The following PLEKHA6 variants were observed in gnomAD, a reference collection of about 807,000 sequenced individuals.
The protein encoded by PLEKHA6 is pleckstrin homology domain-containing family A member 6.
A neutral mutation model predicts 116.7 loss-of-function variants in PLEKHA6; 60 were observed. The observed-to-expected ratio is 0.51, with a 90% confidence interval of 0.42 to 0.64. The LOEUF is 0.64. PLEKHA6 is among the 30% of genes least tolerant of loss of function. PLEKHA6 has a pLI of 0.00. For synonymous variants in PLEKHA6, 489 were observed against 556.1 expected (o/e 0.88, Z 1.70); for missense variants, 1,338 against 1,422.7 (o/e 0.94, Z 0.96).
intron 3 of PLEKHA6, among the ~76,000 whole-genome samples, chr1:204,270,903 T>C (rs1667381209): frequency 6.6e-6 from 1 of 152,170 alleles, no homozygotes; most frequent in Non-Finnish European, 1.5e-5. Flanking sequence ...CTCCCTGGCA[T>C]TGGGGGAGGA....
At chr1:204,264,881 T>C (rs1666583024) in intron 6 of PLEKHA6, 61 bp downstream of exon 6, 2 of 1,174,744 alleles carry the variant, frequency 1.7e-6, no homozygotes, top group African/African-American at 1.5e-5. Flanking sequence ...TCCATTCCCA[T>C]AGGCTCTAGA....
Position 204,340,349 on chromosome 1 carries a change from C to T in PLEKHA6, c.-95+19345G>A, listed in dbSNP as rs1055206162. On this transcript the variant is annotated intron_variant, in intron 1 of 22. Transcript: ENST00000272203. ...TTGTCTCTCTCGTGCCTGCAATTAA[C>T]GGCTGTCTGAGAGGCGGCTGCTGGG... 3.9e-5 allele frequency among the ~76,000 whole-genome samples: 6 copies of T among 152,314 alleles called. No homozygotes were observed. The East Asian group carries it at 9.6e-4, about 24-fold the overall frequency.
At chr1:204,255,992 G>A (rs746540886) in intron 9 of PLEKHA6, among the ~76,000 whole-genome samples, 4 of 152,196 alleles carry the variant, frequency 2.6e-5, no homozygotes, top group Non-Finnish European at 5.9e-5. Flanking sequence ...CTTGTTAGCA[G>A]CTGTTTCTGA....
At chr1:204,224,260 T>C (rs1392211421) in intron 21 of PLEKHA6, among the ~76,000 whole-genome samples, 1 of 152,116 alleles carries the variant, frequency 6.6e-6, no homozygotes, top group Non-Finnish European at 1.5e-5. Flanking sequence ...ATTATCATTA[T>C]TATTCCATGT....
chr1:204,284,629 T>C (rs1668969572), intron 1 of PLEKHA6, among the ~76,000 whole-genome samples: 1 of 150,592 alleles, frequency 6.6e-6, no homozygotes, highest in African/African-American at 2.4e-5. Context: ...CTTTGTGAGC[T>C]CCCCTGACGC....
chr1:204,264,354 G>A (rs1666518850), intron 6 of PLEKHA6, among the ~76,000 whole-genome samples: 1 of 152,160 alleles, frequency 6.6e-6, no homozygotes, highest in Admixed American at 6.5e-5. Flanking sequence ...TATTGAGCAG[G>A]CAGGAAAGGC....
intron 1 of PLEKHA6, among the ~76,000 whole-genome samples, chr1:204,347,706 A>G (rs548830856): frequency 6.6e-6 from 1 of 152,148 alleles, no homozygotes; most frequent in African/African-American, 2.4e-5. Flanking sequence ...TGAAATCTTC[A>G]CAAACCACGT....
chr1:204,279,583 T>A (rs141906731), intron 1 of PLEKHA6, among the ~76,000 whole-genome samples: 1 of 152,180 alleles, frequency 6.6e-6, no homozygotes, highest in Non-Finnish European at 1.5e-5. Flanking sequence ...AATGGACCTT[T>A]CAAATTCCAC....
chr1:204,235,624 G>A (rs533496569), intron 17 of PLEKHA6, among the ~76,000 whole-genome samples: 3 of 152,178 alleles, frequency 2.0e-5, no homozygotes, highest in Non-Finnish European at 4.4e-5. Flanking sequence ...TATTGTTAAA[G>A]TGAGGGCATT....
rs563431210 is a variant in PLEKHA6 at position 204,331,019 on chromosome 1, A to T, written c.-95+28675T>A. Among the ~76,000 whole-genome samples, 107 of 152,020 alleles carry T rather than the reference A, an allele frequency of 7.0e-4. 1 individual carries two copies. Among genetic ancestry groups the T allele is most frequent in the South Asian group, 1.5e-3 (7 of 4,814 alleles). On this transcript the variant is annotated intron_variant, in intron 1 of 22. Coordinates refer to ENST00000272203, the MANE Select transcript of PLEKHA6 (RefSeq NM_014935.5). Reference sequence around the variant, plus strand: ...AGACCAGCCTGGCCAACATGACGAAACCCCATCTCCACTAAAAATACAAAA... The same window carrying T: ...AGACCAGCCTGGCCAACATGACGAATCCCCATCTCCACTAAAAATACAAAA...
At chr1:204,244,022 T>C (rs1429011335) in intron 15 of PLEKHA6, among the ~76,000 whole-genome samples, 2 of 151,424 alleles carry the variant, frequency 1.3e-5, no homozygotes, top group East Asian at 2.0e-4. Flanking sequence ...AGGGTTTCAC[T>C]GTGTTAGCCA....
chr1:204,335,077 C>A (rs923657345), intron 1 of PLEKHA6, among the ~76,000 whole-genome samples: 2 of 152,038 alleles, frequency 1.3e-5, no homozygotes, highest in African/African-American at 4.8e-5. Flanking sequence ...CATCCACACC[C>A]CATCTCCTAG....
chr1:204,268,300 C>A lies in PLEKHA6; in HGVS notation c.115G>T (p.Ala39Ser), dbSNP rs772136425. The change falls in exon 4 of 23, where the codon GCC (alanine) becomes TCC (serine). Residue 39 changes from alanine (A) to serine (S), a missense_variant. Physicochemically the swap from Ala to Ser is moderately conservative, Grantham distance 99. Coordinates refer to ENST00000272203, the MANE Select transcript of PLEKHA6 (RefSeq NM_014935.5). ...TTGCCAAAGGCGACGGCTTTGCGGG[C>A]TGTGCGAGTTGCCTGGGGGCAGAGA... The part of the protein sequence containing the change: ...ERPSVRATRT[A>S]RKAVAFGKRS... The A allele has an allele frequency of 1.9e-6, 3 of 1,608,126 alleles. No homozygotes were observed. The highest frequency in any genetic ancestry group is 2.2e-5 in the East Asian group (1 of 44,472).
chr1:204,349,023 G>A (rs191855250), intron 1 of PLEKHA6, among the ~76,000 whole-genome samples: 39 of 152,202 alleles, frequency 2.6e-4, no homozygotes, highest in Non-Finnish European at 3.4e-4. Flanking sequence ...CATCCTTCCC[G>A]GCTGACTCCC....
chr1:204,317,759 G>A (rs908404010), intron 1 of PLEKHA6, among the ~76,000 whole-genome samples: 9 of 152,190 alleles, frequency 5.9e-5, no homozygotes, highest in South Asian at 4.1e-4. Context: ...AGAATAGAAC[G>A]TAGTGTATAC....
chr1:204,331,486 T>A (rs1672447703), intron 1 of PLEKHA6, among the ~76,000 whole-genome samples: 1 of 152,132 alleles, frequency 6.6e-6, no homozygotes, highest in South Asian at 2.1e-4. Flanking sequence ...CACTTCCTGG[T>A]GCTACTGATC....
chr1:204,253,082 C>T (rs1367908624), intron 9 of PLEKHA6, among the ~76,000 whole-genome samples: 2 of 152,194 alleles, frequency 1.3e-5, no homozygotes, highest in Non-Finnish European at 2.9e-5. Context: ...CTACCTAACC[C>T]AGTGCCTCAC....
intron 12 of PLEKHA6, 122 bp downstream of exon 12, chr1:204,248,699 C>A: frequency 1.2e-6 from 1 of 804,094 alleles, no homozygotes; most frequent in Non-Finnish European, 2.0e-6. Context: ...CCCCTCTGCA[C>A]GGGAGTACTC....
Position 204,229,092 on chromosome 1 carries a change from G to T in PLEKHA6, c.2596C>A (p.Arg866Ser). Residue 866 changes from arginine to serine, a missense_variant, in exon 19 of 23, where the codon CGC becomes AGC. By Grantham distance (110) the Arg-to-Ser change is moderately radical (BLOSUM62 -1). Around this residue, in one of 3 missense-constraint regions of PLEKHA6, gnomAD observed 1,136 missense variants for 1,163.6 expected, o/e 0.98. Transcript: ENST00000272203. ...GAGATGTCTACCTCATGGATGCTGC[G>T]GTGGCGGCGCACCTAGGGGACAGCA... ...RPAYKVVRRH[R>S]SIHEVDISNL... 6.2e-7 allele frequency: 1 copy of T among 1,612,964 alleles called. No homozygotes were observed. Among genetic ancestry groups the T allele is most frequent in the Non-Finnish European group, 8.5e-7 (1 of 1,179,796 alleles).
Sources: gnomAD v4.1 joint callset for allele counts (sites outside exome capture counted in the v4.1 genomes callset) on GRCh38, gnomAD v4.1.1 for gene constraint, gnomAD v4.1.1 regional missense constraint, MANE v1.5 for transcripts, NCBI Gene and HGNC (gene_info 2026-07-23, HGNC 2026-07-21) for gene names.